Variants in LTBP2 observed in about 807,000 individuals in gnomAD.
LTBP2 encodes latent-transforming growth factor beta-binding protein 2.
A neutral mutation model predicts 210.6 loss-of-function variants in LTBP2; 103 were observed. The ratio of observed to expected loss-of-function variants is 0.49; its 90% CI spans 0.42 to 0.58. LTBP2 has a LOEUF of 0.58. LTBP2 is among the 20% of genes least tolerant of loss of function. The probability of loss-of-function intolerance (pLI) is 0.00; values close to 1 mark genes in which losing one functional copy is unlikely to be tolerated. For synonymous variants in LTBP2, 1,007 were observed against 1,015.0 expected (o/e 0.99, Z 0.15); for missense variants, 2,313 against 2,494.5 (o/e 0.93, Z 1.55).
chr14:74,555,412 C>A, intron 4 of LTBP2, 91 bp downstream of exon 4: 1 of 1,317,664 alleles, frequency 7.6e-7, no homozygotes. Context: ...GACAACTCAG[C>A]CCCTCTGTGA....
chr14:74,510,068 G>T (rs1045086505), intron 20 of LTBP2, 23 bp downstream of exon 20: 1 of 1,613,774 alleles, frequency 6.2e-7, no homozygotes, highest in African/African-American at 1.3e-5. Context: ...CTGCGGAGAA[G>T]GGGCGCTTCA....
At chr14:74,569,590 T>G (rs1035757335) in intron 3 of LTBP2, among the ~76,000 whole-genome samples, 2 of 152,186 alleles carry the variant, frequency 1.3e-5, no homozygotes, top group African/African-American at 4.8e-5. Flanking sequence ...AGAAGCCAGC[T>G]GTGCTGAGGG....
At chr14:74,542,449 T>A (rs1261432329) in intron 8 of LTBP2, among the ~76,000 whole-genome samples, 1 of 152,178 alleles carries the variant, frequency 6.6e-6, no homozygotes, top group African/African-American at 2.4e-5. Flanking sequence ...CACAGGGCTG[T>A]TTACAAGCTG....
chr14:74,592,919 G>A (rs528325654), intron 2 of LTBP2, among the ~76,000 whole-genome samples: 10 of 152,218 alleles, frequency 6.6e-5, no homozygotes, highest in Admixed American at 6.5e-5. Context: ...CTAGCCATTC[G>A]TAATTTGGGC....
chr14:74,562,859 G>A lies in LTBP2; in HGVS notation c.831-7166C>T, dbSNP rs574411136. Among the ~76,000 whole-genome samples, 16 of 152,276 alleles carry A rather than the reference G, an allele frequency of 1.1e-4. No homozygotes were observed. The South Asian group carries it at 2.7e-3, about 26-fold the overall frequency. ...CCCTTCTGGAAAGCAATTTGGCAAC[G>A]TCTATCCACATCCCAATGCATCTGT... On this transcript the variant is annotated intron_variant, in intron 3 of 35. Transcript: ENST00000261978.
chr14:74,611,330 G>C, intron 1 of LTBP2, 121 bp downstream of exon 1: 1 of 1,174,232 alleles, frequency 8.5e-7, no homozygotes, highest in Non-Finnish European at 1.1e-6. Flanking sequence ...GTTTCCCGAA[G>C]TACTAAAGAC....
chr14:74,611,506 T>A lies in LTBP2; in HGVS notation c.439A>T (p.Thr147Ser). Residue 147 changes from threonine to serine, a missense_variant, in exon 1 of 36, where the codon ACC (threonine) becomes TCC (serine). Physicochemically the swap from Thr to Ser is moderately conservative, Grantham distance 58. This residue lies in a region of LTBP2 where 1,867 missense variants were observed against 1,976.9 expected (regional missense o/e 0.94). Transcript: ENST00000261978. ...RAAPALPRLG[T>S]PQRSGAAPPT... Reference sequence around the variant, plus strand: ...GGCGCAGCCCCAGACCGCTGTGGGGTCCCCAGGCGTGGGAGAGCCGGCGCG... The same window carrying A: ...GGCGCAGCCCCAGACCGCTGTGGGGACCCCAGGCGTGGGAGAGCCGGCGCG... 1 of 1,524,536 alleles carries A rather than the reference T, an allele frequency of 6.6e-7. No individual in the cohort carries two copies. Among genetic ancestry groups the A allele is most frequent in the Non-Finnish European group, 8.7e-7 (1 of 1,146,736 alleles). The allele number at this position is 1,524,536 out of a possible 1,614,324, so 94.4% of individuals were successfully genotyped here. A position where few individuals can be genotyped will look rare whatever the true frequency, so the allele number is the denominator to read the frequency against.
chr14:74,565,331 T>C (rs139950409), intron 3 of LTBP2, among the ~76,000 whole-genome samples: 35 of 152,242 alleles, frequency 2.3e-4, no homozygotes, highest in African/African-American at 8.2e-4. Context: ...TAGGACATGT[T>C]GGGATGGGCA....
intron 4 of LTBP2, among the ~76,000 whole-genome samples, chr14:74,555,239 A>G (rs2087713908): frequency 6.6e-6 from 1 of 152,040 alleles, no homozygotes; most frequent in Non-Finnish European, 1.5e-5. Context: ...GAGGGAAGCA[A>G]AGGCAGGAGG....
At chr14:74,592,396 C>T (rs1428524788) in intron 2 of LTBP2, among the ~76,000 whole-genome samples, 2 of 152,220 alleles carry the variant, frequency 1.3e-5, no homozygotes, top group East Asian at 1.9e-4. Flanking sequence ...GAGGTGGGTG[C>T]GGTGGCTCAC....
At chr14:74,594,052 G>A (rs2088319877) in intron 2 of LTBP2, among the ~76,000 whole-genome samples, 1 of 152,144 alleles carries the variant, frequency 6.6e-6, no homozygotes, top group African/African-American at 2.4e-5. Context: ...GAGGCCCTGT[G>A]GCTAGAAAAG....
chr14:74,555,568 G>T lies in LTBP2; in HGVS notation c.956C>A (p.Pro319Gln), dbSNP rs2304707. The change falls in exon 4 of 36, where the codon CCA becomes CAA. Residue 319 changes from proline to glutamine, a missense_variant. Physicochemically the swap from Pro to Gln is moderately conservative, Grantham distance 76. Around this residue, in one of 3 missense-constraint regions of LTBP2, gnomAD observed 1,867 missense variants for 1,976.9 expected, o/e 0.94. Coordinates refer to ENST00000261978, the MANE Select transcript of LTBP2 (RefSeq NM_000428.3). ...GGTGCCATCTCTCTGCTCAAGGCCTGGTCCCGGGGGCAGGGCGTTGGAAGA... is the reference window on the plus strand; with the variant it reads ...GGTGCCATCTCTCTGCTCAAGGCCTTGTCCCGGGGGCAGGGCGTTGGAAGA... ...QLSSNALPPG[P>Q]GLEQRDGTQQ... 0.058 allele frequency: 92,787 copies of T among 1,612,646 alleles called. 3,171 individuals are homozygous for T. The highest frequency in any genetic ancestry group is 0.15 in the African/African-American group (11,247 of 75,004).
intron 1 of LTBP2, among the ~76,000 whole-genome samples, chr14:74,604,339 C>T (rs61980921): frequency 0.046 from 6,969 of 152,032 alleles, 248 homozygotes; most frequent in Admixed American, 0.11. Context: ...CAGTCTGGTG[C>T]GTGGGAAGGC....
At chr14:74,555,761 A>C (rs1004810337) in intron 3 of LTBP2, 68 bp from the exon 4 acceptor site, 1 of 1,201,170 alleles carries the variant, frequency 8.3e-7, no homozygotes, top group Non-Finnish European at 1.1e-6. Flanking sequence ...CTCCTCATCC[A>C]GCCACCCACT....
At chr14:74,596,266 A>AAAT (rs1566653999) in intron 2 of LTBP2, among the ~76,000 whole-genome samples, 5 of 76,666 alleles carry the variant, frequency 6.5e-5, no homozygotes, top group East Asian at 5.0e-4. Context: ...AATAAATAAA[A>AAAT]ATTAAAAACA....
At position 74,511,306 on chromosome 14, in the gene LTBP2, A is replaced by C. The variant is rs200077891; in HGVS notation, c.2967T>G (p.Pro989=). Reference sequence around the variant, plus strand: ...CACAGGCCAGACAAGTGTAGGAGCCAGGGGAATTGACGCATCTCCCATCAG... The same window carrying C: ...CACAGGCCAGACAAGTGTAGGAGCCCGGGGAATTGACGCATCTCCCATCAG... ...TCPDGRCVNS[P]GSYTCLACEE... Residue 989 remains proline, a synonymous_variant, in exon 19 of 36, where the codon CCT becomes CCG. Transcript: ENST00000261978. 49 of 1,614,018 alleles carry C rather than the reference A, an allele frequency of 3.0e-5. No homozygotes were observed. In the Admixed American group the frequency reaches 7.8e-4, roughly 26 times the overall value.
intron 3 of LTBP2, among the ~76,000 whole-genome samples, chr14:74,580,682 G>A (rs2139782231): frequency 6.6e-6 from 1 of 152,266 alleles, no homozygotes; most frequent in East Asian, 1.9e-4. Context: ...CTAACACAGG[G>A]GCCAGGTGCA....
intron 2 of LTBP2, among the ~76,000 whole-genome samples, chr14:74,594,343 C>G (rs983981933): frequency 1.3e-5 from 2 of 152,180 alleles, no homozygotes; most frequent in African/African-American, 4.8e-5. Flanking sequence ...TTAGCCTCTC[C>G]CTTCCTCAGT....
At chr14:74,549,012 A>G (rs2087614173) in intron 8 of LTBP2, among the ~76,000 whole-genome samples, 1 of 152,230 alleles carries the variant, frequency 6.6e-6, no homozygotes, top group African/African-American at 2.4e-5. Flanking sequence ...AGTCTGATGC[A>G]AGGAACAGCC....
Sources: allele counts gnomAD v4.1 joint callset (sites outside exome capture counted in the v4.1 genomes callset), GRCh38; gene constraint gnomAD v4.1.1; regional missense constraint gnomAD v4.1.1; transcripts MANE v1.5; gene names NCBI Gene and HGNC (gene_info 2026-07-23, HGNC 2026-07-21).